The following CMIP variants were observed in gnomAD, a reference collection of about 807,000 sequenced individuals.
The protein encoded by CMIP is c-Maf inducing protein, also known as C-Maf-inducing protein.
A neutral mutation model predicts 97.3 loss-of-function variants in CMIP; 13 were observed. The observed-to-expected ratio is 0.13, with a 90% CI of 0.09 to 0.21. The LOEUF is 0.21. Among genes scored for constraint, CMIP ranks in the 10% least tolerant of loss-of-function variants. The probability of loss-of-function intolerance (pLI) is 1.00; values close to 1 mark genes in which losing one functional copy is unlikely to be tolerated. For synonymous variants in CMIP, 538 were observed against 436.3 expected (o/e 1.23, Z -2.91); for missense variants, 847 against 1,024.9 (o/e 0.83, Z 2.37).
chr16:81,634,494 A>G (rs1384559317), intron 3 of CMIP, among the ~76,000 whole-genome samples: 2 of 152,166 alleles, frequency 1.3e-5, no homozygotes, highest in Non-Finnish European at 2.9e-5. Flanking sequence ...ACTCTGCCAG[A>G]ATCCCCTCTG....
chr16:81,473,081 T>G (rs1448804945), intron 1 of CMIP, among the ~76,000 whole-genome samples: 3 of 152,180 alleles, frequency 2.0e-5, no homozygotes, highest in African/African-American at 7.2e-5. Flanking sequence ...ATATAGCACC[T>G]TCAGCCACAC....
intron 1 of CMIP, among the ~76,000 whole-genome samples, chr16:81,505,349 C>T (rs147848761): frequency 6.6e-6 from 1 of 152,284 alleles, no homozygotes; most frequent in East Asian, 1.9e-4. Flanking sequence ...GTTGTTGTTT[C>T]GCTTCTGCCT....
intron 1 of CMIP, among the ~76,000 whole-genome samples, chr16:81,475,721 C>T (rs1367016872): frequency 6.6e-6 from 1 of 152,140 alleles, no homozygotes; most frequent in Non-Finnish European, 1.5e-5. Flanking sequence ...TGTGGTGGCT[C>T]ACTGCCGTAA....
At chr16:81,532,110 G>A (rs2090248556) in intron 1 of CMIP, among the ~76,000 whole-genome samples, 1 of 152,202 alleles carries the variant, frequency 6.6e-6, no homozygotes. Flanking sequence ...TCGAGGCCAA[G>A]GACAGCTAAA....
chr16:81,590,601 T>A (rs2091451844), intron 1 of CMIP, among the ~76,000 whole-genome samples: 2 of 152,230 alleles, frequency 1.3e-5, no homozygotes, highest in African/African-American at 4.8e-5. Context: ...GGGAAATTTC[T>A]GCAGAACTTG....
intron 1 of CMIP, chr16:81,495,542 C>G: frequency 6.3e-7 from 1 of 1,598,516 alleles, no homozygotes; most frequent in Non-Finnish European, 8.6e-7. Context: ...ATGTCTGTGC[C>G]TAAAACCTCG....
At chr16:81,481,333 G>C (rs1908249608) in intron 1 of CMIP, among the ~76,000 whole-genome samples, 2 of 152,168 alleles carry the variant, frequency 1.3e-5, no homozygotes, top group South Asian at 4.1e-4. Flanking sequence ...CCTCATGGCA[G>C]GTGTACAGGT....
chr16:81,566,112 C>T (rs1416353941), intron 1 of CMIP, among the ~76,000 whole-genome samples: 1 of 152,244 alleles, frequency 6.6e-6, no homozygotes, highest in African/African-American at 2.4e-5. Flanking sequence ...GCTTCTGCCA[C>T]TCTGTCTCGG....
chr16:81,614,650 GGT>G lies in CMIP; in HGVS notation c.427-6217_427-6216del, dbSNP rs1029963639. 2.0e-5 allele frequency among the ~76,000 whole-genome samples: 3 copies of G among 152,030 alleles called. No homozygotes were observed. The highest frequency in any genetic ancestry group is 3.4e-3 in the Middle Eastern group (1 of 294). ...TGCACAGTCCTGCGTGTGGGACTGT[GGT>G]GTGTGTGTATGTATGTCTGTATGGT... On this transcript the variant is annotated intron_variant, in intron 2 of 20. Transcript: ENST00000537098. This position sits in a 1 kb window ranked among gnomAD's most constrained non-coding sequence, Gnocchi z 5.3.
rs896074862 is a variant in CMIP at position 81,670,163 on chromosome 16, C to T, written c.847C>T (p.Leu283=). The T allele has an allele frequency of 1.9e-5, 31 of 1,610,238 alleles. No homozygotes were observed. In the Admixed American group the frequency reaches 2.0e-4, roughly 10 times the overall value. Residue 283 remains leucine (L), a synonymous_variant, in exon 8 of 21, where the codon CTG becomes TTG. Coordinates refer to ENST00000537098, the MANE Select transcript of CMIP (RefSeq NM_198390.3). ...ACAGGACTTTGGGAAGTGCCCGCGA[C>T]TGAGGCTGTTTACTCAGGAGTACAT... is the stretch of plus-strand genomic sequence containing the variant. ...HNMDFGKCPR[L]RLFTQEYILA... is the part of the protein sequence containing the mutation.
At chr16:81,486,754 G>C (rs1360524981) in intron 1 of CMIP, among the ~76,000 whole-genome samples, 2 of 152,272 alleles carry the variant, frequency 1.3e-5, no homozygotes, top group Admixed American at 1.3e-4. Context: ...GGCCGGCACT[G>C]TTGCAGATGT....
chr16:81,469,757 C>T (rs997406952), intron 1 of CMIP, among the ~76,000 whole-genome samples: 17 of 152,322 alleles, frequency 1.1e-4, no homozygotes, highest in East Asian at 1.9e-4. Context: ...ATTCTGATTA[C>T]GTTAGTTAAA....
intron 1 of CMIP, among the ~76,000 whole-genome samples, chr16:81,457,040 A>G (rs759912763): frequency 1.1e-4 from 16 of 151,974 alleles, no homozygotes; most frequent in Non-Finnish European, 2.1e-4. Flanking sequence ...GGTGGTGAGG[A>G]CTGGATCACA....
At chr16:81,697,111 C>G (rs1011414185) in intron 14 of CMIP, 12 of 203,894 alleles carry the variant, frequency 5.9e-5, no homozygotes, top group Non-Finnish European at 3.0e-5. Flanking sequence ...GTGTCGCGGT[C>G]AGGGGGATTG....
chr16:81,534,975 G>A (rs1188489444), intron 1 of CMIP, among the ~76,000 whole-genome samples: 1 of 152,116 alleles, frequency 6.6e-6, no homozygotes, highest in Non-Finnish European at 1.5e-5. Context: ...TTTTGAGACG[G>A]AGTCTTGCTC....
chr16:81,657,699 C>T, intron 4 of CMIP, 76 bp from the exon 5 acceptor site: 7 of 1,236,360 alleles, frequency 5.7e-6, no homozygotes, highest in Non-Finnish European at 5.7e-6. Flanking sequence ...AACTGTGGAT[C>T]TTGAAATCCA....
chr16:81,530,162 C>G (rs926567093), intron 1 of CMIP, among the ~76,000 whole-genome samples: 4 of 152,156 alleles, frequency 2.6e-5, no homozygotes, highest in Admixed American at 1.3e-4. Context: ...GAAAATCAGA[C>G]TCATTCAGGA....
intron 1 of CMIP, among the ~76,000 whole-genome samples, chr16:81,523,414 C>G (rs975103768): frequency 2.0e-5 from 3 of 152,178 alleles, no homozygotes; most frequent in Non-Finnish European, 1.5e-5. Flanking sequence ...CACCCCCTGT[C>G]ACACAGAAGG....
At position 81,657,811 on chromosome 16, in the gene CMIP, A is replaced by C; in HGVS notation, c.676A>C (p.Ile226Leu). Residue 226 changes from isoleucine (I) to leucine (L), a missense_variant, in exon 5 of 21, where the codon ATT becomes CTT. This residue lies in a region of CMIP where 285 missense variants were observed against 392.2 expected (regional missense o/e 0.73). Transcript: ENST00000537098. ...GACCACCCAGGAGCATGAAAACATC[A>C]TTGTGGTAAGTTCCTCTCGAACACG... ...NLTTQEHENI[I>L]VAIAPLLENN... 1 of 1,607,104 alleles carries C rather than the reference A, an allele frequency of 6.2e-7. No homozygotes were observed.
Sources: gnomAD v4.1 joint callset for allele counts (sites outside exome capture counted in the v4.1 genomes callset) on GRCh38, gnomAD v4.1.1 for gene constraint, gnomAD v4.1.1 regional missense constraint, Gnocchi (gnomAD v3.1) non-coding constraint, MANE v1.5 for transcripts, NCBI Gene and HGNC (gene_info 2026-07-23, HGNC 2026-07-21) for gene names.